Variants in CHST9 observed in about 807,000 individuals in gnomAD.
The protein encoded by CHST9 is GalNAc-4-sulfotransferase 2.
Under a neutral mutation model 44.4 loss-of-function variants are expected in CHST9, and 41 were observed. The observed-to-expected ratio is 0.92, with a 90% CI of 0.72 to 1.20. CHST9 has a LOEUF of 1.20. CHST9 is among the 50% of genes most tolerant of loss of function. The pLI, the probability that CHST9 is intolerant of heterozygous loss-of-function variation, is 0.00. For synonymous variants in CHST9, 171 were observed against 178.4 expected (o/e 0.96, Z 0.33); for missense variants, 504 against 516.5 (o/e 0.98, Z 0.23).
intron 3 of CHST9, among the ~76,000 whole-genome samples, chr18:27,030,874 T>C (rs1190110602): frequency 3.9e-5 from 6 of 152,266 alleles, no homozygotes. Flanking sequence ...CCTTCACCTA[T>C]ACAATGCTTT....
Position 26,915,005 on chromosome 18 carries a change from A to C in CHST9, c.*1254T>G, listed in dbSNP as rs953446838. 2.3e-4 allele frequency: 93 copies of C among 397,722 alleles called. No homozygotes were observed. The highest frequency in any genetic ancestry group is 1.3e-4 in the South Asian group (1 of 7,850). 24.6% of individuals were successfully genotyped at this position (397,722 alleles called of 1,614,324 possible). A position where few individuals can be genotyped will look rare whatever the true frequency, so the allele number is the denominator to read the frequency against. Reference sequence around the variant, plus strand: ...TTTTCCCCAAGGGATCTAATTTAGGATCCCTTGGAAAAAAATTCCAAAATG... The same window carrying C: ...TTTTCCCCAAGGGATCTAATTTAGGCTCCCTTGGAAAAAAATTCCAAAATG... On this transcript the variant is annotated 3_prime_UTR_variant, in exon 6 of 6. Transcript: ENST00000618847.
chr18:27,101,078 A>T (rs1321592243), intron 2 of CHST9, among the ~76,000 whole-genome samples: 1 of 152,194 alleles, frequency 6.6e-6, no homozygotes, highest in African/African-American at 2.4e-5. Flanking sequence ...CCAGCCACAG[A>T]TAAACTCTTG....
At chr18:26,932,720 C>G (rs1452762990) in intron 5 of CHST9, among the ~76,000 whole-genome samples, 1 of 152,188 alleles carries the variant, frequency 6.6e-6, no homozygotes, top group African/African-American at 2.4e-5. Context: ...AAGAGACCAC[C>G]TGAGTGTTCA....
chr18:27,134,657 T>C (rs1182568096), intron 2 of CHST9, among the ~76,000 whole-genome samples: 2 of 152,130 alleles, frequency 1.3e-5, no homozygotes, highest in Non-Finnish European at 2.9e-5. Context: ...TTGGTGACAA[T>C]GAGTTTTTAA....
intron 4 of CHST9, among the ~76,000 whole-genome samples, chr18:27,014,674 C>G (rs955184600): frequency 2.0e-5 from 3 of 151,694 alleles, no homozygotes; most frequent in Non-Finnish European, 4.4e-5. Flanking sequence ...ATAAAGTCCA[C>G]CTCCTGAAAA....
At position 27,142,860 on chromosome 18, in the gene CHST9, C is replaced by T. The variant is rs1171452138; in HGVS notation, c.-51G>A. 16 of 1,546,264 alleles carry T rather than the reference C, an allele frequency of 1.0e-5. No individual in the cohort carries two copies. The East Asian group carries it at 3.7e-4, about 36-fold the overall frequency. The stretch of plus-strand genomic sequence containing the variant: ...CCACATGATTTGTTTTCCCGTAAAA[C>T]TTCAGTCTTTTCTTGTTCTCTAAGA... On this transcript the variant is annotated 5_prime_UTR_variant, in exon 2 of 6. Transcript: ENST00000618847.
chr18:27,125,483 C>T (rs1455995470), intron 2 of CHST9, among the ~76,000 whole-genome samples: 1 of 152,170 alleles, frequency 6.6e-6, no homozygotes, highest in Non-Finnish European at 1.5e-5. Flanking sequence ...GCACGGGAAG[C>T]TGGGGAGTTT....
intron 2 of CHST9, among the ~76,000 whole-genome samples, chr18:27,120,209 C>T (rs2058362870): frequency 6.6e-6 from 1 of 152,116 alleles, no homozygotes; most frequent in Non-Finnish European, 1.5e-5. Context: ...TTTCAATTGC[C>T]TACATTACGA....
At chr18:26,968,108 T>C (rs1276377348) in intron 4 of CHST9, among the ~76,000 whole-genome samples, 2 of 152,208 alleles carry the variant, frequency 1.3e-5, no homozygotes, top group Non-Finnish European at 1.5e-5. Flanking sequence ...AGACGGCCTA[T>C]TGTGGGACTT....
intron 5 of CHST9, among the ~76,000 whole-genome samples, chr18:26,943,101 C>T (rs1050756509): frequency 1.3e-5 from 2 of 150,686 alleles, no homozygotes; most frequent in Admixed American, 6.6e-5. Context: ...AGCGAGACTC[C>T]GTCTAAAAAA....
chr18:27,047,831 A>G (rs2057522985), intron 3 of CHST9, among the ~76,000 whole-genome samples: 1 of 152,160 alleles, frequency 6.6e-6, no homozygotes, highest in African/African-American at 2.4e-5. Flanking sequence ...CTCCTATGCA[A>G]AGATCGACTT....
At chr18:27,016,225 C>A (rs1259988128) in intron 4 of CHST9, among the ~76,000 whole-genome samples, 1 of 152,202 alleles carries the variant, frequency 6.6e-6, no homozygotes, top group Non-Finnish European at 1.5e-5. Flanking sequence ...GAGCAGTCTG[C>A]CTTGCTATCA....
chr18:27,131,376 C>A lies in CHST9; in HGVS notation c.121+11313G>T, dbSNP rs540470000. Among the ~76,000 whole-genome samples, 29 of 147,474 alleles carry A rather than the reference C, an allele frequency of 2.0e-4. No homozygotes were observed. In the South Asian group the frequency reaches 5.6e-3, roughly 29 times the overall value. On this transcript the variant is annotated intron_variant, in intron 2 of 5. Transcript: ENST00000618847. ...ACCAGCCTGGCCAACATGGTGAAAC[C>A]CCATCTCTAATAAAAATACAGAAAA... is the stretch of plus-strand genomic sequence containing the variant.
chr18:26,907,849 G>A lies in CHST9; in HGVS notation c.*8410C>T, dbSNP rs528673727. 22 of 175,328 alleles carry A rather than the reference G, an allele frequency of 1.3e-4. 1 individual carries two copies. Among genetic ancestry groups the A allele is most frequent in the Middle Eastern group, 2.5e-3 (1 of 408 alleles). The allele number at this position is 175,328 out of a possible 1,614,324, so 10.9% of individuals were successfully genotyped here. A position where few individuals can be genotyped will look rare whatever the true frequency, so the allele number is the denominator to read the frequency against. Reference sequence around the variant, plus strand: ...CTTGAAAAGAAAAAAATTCTGGTACGTCCTTCAATATGGATGAACCTTGAG... The same window carrying A: ...CTTGAAAAGAAAAAAATTCTGGTACATCCTTCAATATGGATGAACCTTGAG... On this transcript the variant is annotated 3_prime_UTR_variant, in exon 6 of 6. Transcript: ENST00000618847.
At chr18:27,095,443 T>C (rs2058107602) in intron 2 of CHST9, among the ~76,000 whole-genome samples, 1 of 152,124 alleles carries the variant, frequency 6.6e-6, no homozygotes, top group Non-Finnish European at 1.5e-5. Flanking sequence ...TATGTCAATA[T>C]TAACTTTGAA....
chr18:27,072,942 T>C (rs2057857609), intron 2 of CHST9, among the ~76,000 whole-genome samples: 2 of 151,742 alleles, frequency 1.3e-5, no homozygotes, highest in South Asian at 4.2e-4. Flanking sequence ...TTATGAAGAG[T>C]CTCAGGTTAC....
intron 1 of CHST9, among the ~76,000 whole-genome samples, chr18:27,144,792 TA>T (rs1225891089): frequency 6.6e-6 from 1 of 152,164 alleles, no homozygotes; most frequent in African/African-American, 2.4e-5. Context: ...CCTCATCTCT[TA>T]AAGGAGCTCA....
intron 4 of CHST9, among the ~76,000 whole-genome samples, chr18:26,979,456 G>T (rs1053504597): frequency 5.3e-5 from 8 of 152,030 alleles, no homozygotes; most frequent in Non-Finnish European, 8.8e-5. Context: ...GGTAAAATAA[G>T]AAATTTCCTT....
intron 4 of CHST9, among the ~76,000 whole-genome samples, chr18:26,984,522 CATTAAA>C (rs1273560391): frequency 2.0e-5 from 3 of 151,948 alleles, no homozygotes; most frequent in Admixed American, 2.0e-4. Flanking sequence ...AAGTCAACTA[CATTAAA>C]ATTAAGAATT....
Sources: allele counts gnomAD v4.1 joint callset (sites outside exome capture counted in the v4.1 genomes callset), GRCh38; gene constraint gnomAD v4.1.1; transcripts MANE v1.5; gene names NCBI Gene and HGNC (gene_info 2026-07-23, HGNC 2026-07-21).